STMN4: variants seen among roughly 807,000 people sequenced by gnomAD.
The protein encoded by STMN4 is stathmin 4.
A neutral mutation model predicts 29.1 loss-of-function variants in STMN4; 12 were observed. The ratio of observed to expected loss-of-function variants is 0.41; its 90% CI spans 0.26 to 0.67. The LOEUF is 0.67. Ranked by LOEUF, STMN4 falls within the 30% of genes least tolerant of loss-of-function variation. The pLI, the probability that STMN4 is intolerant of heterozygous loss-of-function variation, is 0.30. For synonymous variants in STMN4, 114 were observed against 105.3 expected (o/e 1.08, Z -0.51); for missense variants, 181 against 262.8 (o/e 0.69, Z 2.15).
At chr8:27,249,818 C>T (rs1801733650) in intron 1 of STMN4, among the ~76,000 whole-genome samples, 6 of 152,178 alleles carry the variant, frequency 3.9e-5, no homozygotes, top group Admixed American at 3.9e-4. Flanking sequence ...TGCCTGACCT[C>T]TTAGTGCCTC....
chr8:27,243,991 CT>C (rs1333688485), intron 1 of STMN4, among the ~76,000 whole-genome samples, 190 bp from the exon 2 acceptor site: 3 of 152,194 alleles, frequency 2.0e-5, no homozygotes, highest in African/African-American at 7.2e-5. Flanking sequence ...GCTAAACAAG[CT>C]CAGATTCCAT....
chr8:27,245,950 T>C (rs1801612508), intron 1 of STMN4, among the ~76,000 whole-genome samples: 1 of 152,220 alleles, frequency 6.6e-6, no homozygotes, highest in African/African-American at 2.4e-5. Context: ...TCAGCTTTGC[T>C]TTCAGATGAA....
chr8:27,257,786 A>T (rs536612297), intron 1 of STMN4, among the ~76,000 whole-genome samples: 1 of 152,186 alleles, frequency 6.6e-6, no homozygotes, highest in African/African-American at 2.4e-5. Flanking sequence ...ACCTCTGGCC[A>T]GGTAGGATTA....
At chr8:27,253,742 G>A (rs1367507708) in intron 1 of STMN4, among the ~76,000 whole-genome samples, 1 of 140,770 alleles carries the variant, frequency 7.1e-6, no homozygotes, top group African/African-American at 2.6e-5. Context: ...TTTTTTTTTT[G>A]ATTAGCTAGA....
At chr8:27,239,416 G>A (rs1395612218) in intron 6 of STMN4, 10 of 930,064 alleles carry the variant, frequency 1.1e-5, no homozygotes, top group African/African-American at 6.7e-5. Context: ...AACCAACCCC[G>A]GCCTCATGTT....
In STMN4 at chr8:27,235,334, C is replaced by T. The variant is rs1046463023; in HGVS notation, c.*1512G>A. ...GAGAAGAAAGAAAAAAAGGCTATAC[C>T]AAAGGGTTTATTTGCAAAGCTGTAA... On this transcript the variant is annotated 3_prime_UTR_variant, in exon 7 of 7. Transcript: ENST00000350889. 2 of 154,962 alleles carry T rather than the reference C, an allele frequency of 1.3e-5. No homozygotes were observed. The highest frequency in any genetic ancestry group is 4.8e-5 in the African/African-American group (2 of 41,346). 9.6% of individuals were successfully genotyped at this position (154,962 alleles called of 1,614,324 possible). A position where few individuals can be genotyped will look rare whatever the true frequency, so the allele number is the denominator to read the frequency against.
At chr8:27,241,832 T>C (rs1199051296) in intron 3 of STMN4, 75 bp from the exon 4 acceptor site, 68 of 1,566,180 alleles carry the variant, frequency 4.3e-5, no homozygotes, top group Non-Finnish European at 5.5e-5. Context: ...AACCCATCTC[T>C]GCTTCTAACC....
intron 1 of STMN4, among the ~76,000 whole-genome samples, chr8:27,244,380 G>A (rs1290212225): frequency 6.6e-6 from 1 of 152,156 alleles, no homozygotes; most frequent in Non-Finnish European, 1.5e-5. Context: ...CGGGACACAG[G>A]AAAGAAAAAC....
At chr8:27,242,132 A>C in intron 3 of STMN4, 1 of 568,032 alleles carries the variant, frequency 1.8e-6, no homozygotes, top group South Asian at 2.3e-5. Flanking sequence ...CCCAGTCTCG[A>C]TTTGCTGGAT....
intron 1 of STMN4, among the ~76,000 whole-genome samples, chr8:27,256,082 T>C (rs1034316187): frequency 6.6e-6 from 1 of 152,174 alleles, no homozygotes; most frequent in Non-Finnish European, 1.5e-5. Flanking sequence ...CTTGAGGACA[T>C]TACACTCAGC....
At position 27,242,363 on chromosome 8, in the gene STMN4, C is replaced by A. The variant is rs781672622; in HGVS notation, c.109+34G>T. Reference sequence around the variant, plus strand: ...ATGAGGACAGGACACAGGGCCCCCCCGCCCCTCACTTTCCTGGCTGAGCCT... The same window carrying A: ...ATGAGGACAGGACACAGGGCCCCCCAGCCCCTCACTTTCCTGGCTGAGCCT... On this transcript the variant is annotated intron_variant, in intron 3 of 6. Coordinates refer to ENST00000350889, the MANE Select transcript of STMN4 (RefSeq NM_030795.4). 7 of 1,603,826 alleles carry A rather than the reference C, an allele frequency of 4.4e-6. No individual in the cohort carries two copies. The East Asian group carries it at 1.3e-4, about 31-fold the overall frequency.
At chr8:27,243,662 G>C in intron 2 of STMN4, 49 bp downstream of exon 2, 1 of 1,581,058 alleles carries the variant, frequency 6.3e-7, no homozygotes, top group Non-Finnish European at 8.7e-7. Flanking sequence ...TGTTGGGTGA[G>C]GGCAGGGGGA....
At chr8:27,255,745 G>A (rs1245968069) in intron 1 of STMN4, among the ~76,000 whole-genome samples, 1 of 150,602 alleles carries the variant, frequency 6.6e-6, no homozygotes, top group African/African-American at 2.4e-5. Context: ...GAAAAATGTG[G>A]TTAAAAATGG....
Position 27,241,673 on chromosome 8 carries a change from C to G in STMN4, c.190+4G>C. 1.2e-6 allele frequency: 2 copies of G among 1,614,168 alleles called. No homozygotes were observed. Among genetic ancestry groups the G allele is most frequent in the Non-Finnish European group, 1.7e-6 (2 of 1,179,990 alleles). ...GCGGAATCCCTCCGCTGCCTCCCTC[C>G]TACCCTGAGCTCTTCTTTCTCTCCA... On this transcript the variant is annotated splice_donor_region_variant and intron_variant, in intron 4 of 6. Transcript: ENST00000350889.
chr8:27,251,283 T>A (rs1288999755), intron 1 of STMN4, among the ~76,000 whole-genome samples: 1 of 121,004 alleles, frequency 8.3e-6, no homozygotes, highest in Non-Finnish European at 1.8e-5. Flanking sequence ...TACACGTATA[T>A]ACGTATATAT....
chr8:27,252,169 C>T (rs1158790024), intron 1 of STMN4, among the ~76,000 whole-genome samples: 2 of 152,000 alleles, frequency 1.3e-5, no homozygotes, highest in African/African-American at 4.8e-5. Context: ...CATAGTATTC[C>T]ATGGTGTATA....
intron 6 of STMN4, chr8:27,239,403 C>A (rs1563412107): frequency 1.5e-5 from 16 of 1,046,148 alleles, no homozygotes; most frequent in Non-Finnish European, 2.1e-5. Context: ...TGCTGACACA[C>A]AGAACCAACC....
intron 1 of STMN4, among the ~76,000 whole-genome samples, chr8:27,246,072 C>G (rs1801615947): frequency 6.6e-6 from 1 of 152,150 alleles, no homozygotes; most frequent in Non-Finnish European, 1.5e-5. Context: ...TCCATTGTAA[C>G]CAGTGGAAGA....
intron 6 of STMN4, among the ~76,000 whole-genome samples, chr8:27,238,444 T>C (rs1195061091): frequency 6.6e-6 from 1 of 152,218 alleles, no homozygotes; most frequent in East Asian, 1.9e-4. Flanking sequence ...CTCACACCTC[T>C]TTGAGTCTAC....
Sources: allele counts gnomAD v4.1 joint callset (sites outside exome capture counted in the v4.1 genomes callset), GRCh38; gene constraint gnomAD v4.1.1; transcripts MANE v1.5; gene names NCBI Gene and HGNC (gene_info 2026-07-23, HGNC 2026-07-21).